Variants in SNHG17 observed in about 807,000 individuals in gnomAD.
SNHG17 encodes small nucleolar RNA host gene 17.
intron 6 of SNHG17, chr20:38,421,157 A>C (rs1351518329): frequency 1.3e-5 from 2 of 152,354 alleles, no homozygotes; most frequent in African/African-American, 4.8e-5. Flanking sequence ...CTCCTCCCCA[A>C]GCTGACACCA....
At chr20:38,434,035 G>C (rs190213779) in intron 2 of SNHG17, 28 of 515,650 alleles carry the variant, frequency 5.4e-5, no homozygotes, top group Non-Finnish European at 1.1e-4. Flanking sequence ...CAGCGTGTTA[G>C]CTGCCAGATC....
At chr20:38,434,831 G>A (rs788348) in intron 1 of SNHG17, 173,384 of 984,744 alleles carry the variant, frequency 0.18, 19,116 homozygotes, top group African/African-American at 0.52. Flanking sequence ...ACAATGACTG[G>A]CACTTTGTAG....
intron 5 of SNHG17, chr20:38,422,286 C>T (rs199733154): frequency 6.6e-6 from 1 of 152,316 alleles, no homozygotes; most frequent in Admixed American, 6.5e-5. Context: ...GTCCAAAAAT[C>T]CCACCTTGCG....
intron 1 of SNHG17, chr20:38,434,752 T>C (rs1568867438): frequency 4.0e-6 from 3 of 748,162 alleles, no homozygotes; most frequent in Middle Eastern, 6.3e-4. Context: ...GTCTGTAAAA[T>C]GAAGGTTCTA....
intron 2 of SNHG17, chr20:38,431,945 T>G: frequency 7.3e-6 from 7 of 958,820 alleles, no homozygotes; most frequent in Non-Finnish European, 8.7e-6. Context: ...GGAACCTGCA[T>G]GCACCCACCC....
chr20:38,429,268 C>T (rs2084298661), intron 3 of SNHG17: 1 of 155,246 alleles, frequency 6.4e-6, no homozygotes, highest in African/African-American at 2.4e-5. Context: ...CGGGGTTGCC[C>T]AGGCTGCCGT....
intron 5 of SNHG17, chr20:38,425,378 G>C (rs1447052855): frequency 2.0e-6 from 1 of 505,318 alleles, no homozygotes. Context: ...ACTGACAGCA[G>C]CTTAGGAAGG....
Position 38,427,442 on chromosome 20 carries a change from A to G in SNHG17, n.381-939T>C, listed in dbSNP as rs754859302. ...GCCTATGATCACTTTCGGATGCAGG[A>G]GCAGAAACAGACAGGAGAGCCAGGA... On this transcript the variant is annotated intron_variant and non_coding_transcript_variant, in intron 3 of 8. Transcript: ENST00000654008. The G allele has an allele frequency of 5.8e-6, 3 of 515,730 alleles. No individual in the cohort carries two copies. In the Admixed American group the frequency reaches 5.9e-5, roughly 10 times the overall value. The allele number at this position is 515,730 out of a possible 1,614,324, so 31.9% of individuals were successfully genotyped here. A position where few individuals can be genotyped will look rare whatever the true frequency, so the allele number is the denominator to read the frequency against.
At chr20:38,424,581 C>T (rs1475645671) in intron 5 of SNHG17, among the ~76,000 whole-genome samples, 2 of 152,188 alleles carry the variant, frequency 1.3e-5, no homozygotes, top group Non-Finnish European at 2.9e-5. Context: ...CCAGGTGCTA[C>T]ATGTCAGTTA....
intron 2 of SNHG17, chr20:38,432,248 AG>A (rs1328711808): frequency 1.3e-6 from 1 of 781,596 alleles, no homozygotes; most frequent in Non-Finnish European, 1.6e-6. Flanking sequence ...GTTCATCTAG[AG>A]AAGAACCAGT....
Position 38,433,880 on chromosome 20 carries a change from G to A in SNHG17, n.308+624C>T, listed in dbSNP as rs748596794. ...GAGAAGGAGGTGTGAGAAAGCTCCA[G>A]AGTTTGAAAGGGACAGGAGCGGACC... On this transcript the variant is annotated intron_variant and non_coding_transcript_variant, in intron 2 of 8. Transcript: ENST00000654008. 20 of 519,124 alleles carry A rather than the reference G, an allele frequency of 3.9e-5. No individual in the cohort carries two copies. The East Asian group carries it at 5.4e-4, about 14-fold the overall frequency. The allele number at this position is 519,124 out of a possible 1,614,324, so 32.2% of individuals were successfully genotyped here.
chr20:38,427,345 G>A (rs745629922), intron 3 of SNHG17: 1 of 518,228 alleles, frequency 1.9e-6, no homozygotes, highest in Non-Finnish European at 3.9e-6. Context: ...GGATAGGGTG[G>A]ACCCTCCAAA....
At chr20:38,431,909 C>A in intron 2 of SNHG17, 3 of 677,746 alleles carry the variant, frequency 4.4e-6, no homozygotes, top group South Asian at 6.6e-5. Flanking sequence ...CCTCACCTCT[C>A]TCTACTTCCC....
At chr20:38,435,257 T>C in exon 1 of SNHG17, 1 of 1,231,858 alleles carries the variant, frequency 8.1e-7, no homozygotes, top group East Asian at 3.2e-5. Flanking sequence ...AAAATCAAGA[T>C]GTCTGCAGAT....
intron 2 of SNHG17, chr20:38,431,939 C>T (rs2084347971): frequency 2.1e-6 from 2 of 932,550 alleles, no homozygotes; most frequent in Non-Finnish European, 1.3e-6. Flanking sequence ...GCCCAGGGAA[C>T]CTGCATGCAC....
intron 5 of SNHG17, among the ~76,000 whole-genome samples, chr20:38,422,421 C>T (rs2084171374): frequency 6.6e-6 from 1 of 152,170 alleles, no homozygotes; most frequent in South Asian, 2.1e-4. Context: ...TCATAAGCAA[C>T]CCACAAATGC....
At chr20:38,434,105 A>T (rs1004157737) in intron 2 of SNHG17, 31 of 448,826 alleles carry the variant, frequency 6.9e-5, no homozygotes, top group Non-Finnish European at 1.4e-4. Flanking sequence ...GAGAGCCATC[A>T]TCACTTCACA....
chr20:38,432,907 C>A (rs1020636389), intron 2 of SNHG17, among the ~76,000 whole-genome samples: 6 of 152,130 alleles, frequency 3.9e-5, no homozygotes, highest in Non-Finnish European at 7.3e-5. Context: ...ACCTCAGTCT[C>A]CCAAAGTGCT....
chr20:38,432,075 C>A (rs2084349529), intron 2 of SNHG17: 1 of 985,338 alleles, frequency 1.0e-6, no homozygotes, highest in Non-Finnish European at 1.2e-6. Context: ...TCAGCCTCCT[C>A]TGCCAGAATC....
Sources: allele counts gnomAD v4.1 joint callset (sites outside exome capture counted in the v4.1 genomes callset), GRCh38; gene constraint gnomAD v4.1.1; transcripts MANE v1.5; gene names NCBI Gene and HGNC (gene_info 2026-07-23, HGNC 2026-07-21).